TRIM14: variants seen among roughly 807,000 people sequenced by gnomAD.
TRIM14 encodes the protein tripartite motif-containing protein 14.
A neutral mutation model predicts 44.5 loss-of-function variants in TRIM14; 28 were observed. That is an observed-to-expected ratio of 0.63 (90% CI 0.47 to 0.86). The LOEUF is 0.86. Among genes scored for constraint, TRIM14 ranks in the 40% least tolerant of loss-of-function variants. The probability of loss-of-function intolerance (pLI) is 0.00; values close to 1 mark genes in which losing one functional copy is unlikely to be tolerated. For missense variants in TRIM14, 607 were observed against 611.1 expected, an observed-to-expected ratio of 0.99 and a Z score of 0.07; for synonymous variants, 299 against 269.2, an observed-to-expected ratio of 1.11 and a Z score of -1.08.
At chr9:98,092,275 A>G (rs1377136585) in intron 4 of TRIM14, among the ~76,000 whole-genome samples, 1 of 152,216 alleles carries the variant, frequency 6.6e-6, no homozygotes, top group African/African-American at 2.4e-5. Context: ...TGCAGATTCC[A>G]GGGTAAAGAT....
the TRIM14 span, among the ~76,000 whole-genome samples, chr9:98,057,907 T>G: frequency 2.7e-5 from 4 of 146,280 alleles, no homozygotes; most frequent in Non-Finnish European, 5.9e-5. Flanking sequence ...TTACTGTTTT[T>G]TTTTTTTTTT....
At chr9:98,053,231 T>G in the TRIM14 span, among the ~76,000 whole-genome samples, 2 of 152,218 alleles carry the variant, frequency 1.3e-5, no homozygotes, top group East Asian at 3.8e-4. Flanking sequence ...ATTTTGAGCT[T>G]GCGAAGGCTT....
chr9:98,052,692 G>C, the TRIM14 span, among the ~76,000 whole-genome samples: 1 of 152,248 alleles, frequency 6.6e-6, no homozygotes, highest in East Asian at 1.9e-4. Context: ...TTTTATTAGA[G>C]ATGAGGTTTC....
chr9:98,056,906 T>G, the TRIM14 span: 6 of 1,610,360 alleles, frequency 3.7e-6, no homozygotes, highest in Non-Finnish European at 5.1e-6. Context: ...CAGGGCGACC[T>G]GGACGTAGCC....
At chr9:98,089,655 C>T (rs1460304755) in intron 5 of TRIM14, among the ~76,000 whole-genome samples, 1 of 152,228 alleles carries the variant, frequency 6.6e-6, no homozygotes, top group African/African-American at 2.4e-5. Context: ...CAACAGAACT[C>T]TTCCACCCGG....
At chr9:98,114,937 T>C (rs1826993633) in intron 1 of TRIM14, among the ~76,000 whole-genome samples, 1 of 152,206 alleles carries the variant, frequency 6.6e-6, no homozygotes, top group South Asian at 2.1e-4. Flanking sequence ...ATTCTTTTTA[T>C]ATTGTTTTTC....
downstream of TRIM14, among the ~76,000 whole-genome samples, chr9:98,066,016 C>T (rs1459912506): frequency 6.6e-6 from 1 of 152,124 alleles, no homozygotes; most frequent in Non-Finnish European, 1.5e-5. Context: ...ATTTGGAGGA[C>T]TAAGTCCTAA....
the TRIM14 span, among the ~76,000 whole-genome samples, chr9:98,059,651 G>A: frequency 6.6e-5 from 10 of 152,064 alleles, no homozygotes; most frequent in Non-Finnish European, 1.0e-4. Context: ...CTTGGTTCAA[G>A]CAATCCTCCC....
Position 98,118,967 on chromosome 9 carries a change from C to A in TRIM14, c.207+15G>T. On this transcript the variant is annotated intron_variant, in intron 1 of 5. Coordinates refer to ENST00000341469, the MANE Select transcript of TRIM14 (RefSeq NM_014788.4). Reference sequence around the variant, plus strand: ...CCAACTCCCGCGCGGCGAACCCCGTCCCCATCGTCCCCACCTGCACGTGCA... The same window carrying A: ...CCAACTCCCGCGCGGCGAACCCCGTACCCATCGTCCCCACCTGCACGTGCA... 6.6e-7 allele frequency: 1 copy of A among 1,513,156 alleles called. No individual in the cohort carries two copies. The highest frequency in any genetic ancestry group is 1.2e-5 in the South Asian group (1 of 82,032). 93.7% of individuals were successfully genotyped at this position (1,513,156 alleles called of 1,614,324 possible).
At chr9:98,056,921 G>A in the TRIM14 span, 7 of 1,603,934 alleles carry the variant, frequency 4.4e-6, no homozygotes, top group African/African-American at 1.4e-5. Context: ...GTAGCCAAGC[G>A]CATGATCCGC....
intron 2 of TRIM14, among the ~76,000 whole-genome samples, chr9:98,101,546 C>T (rs761583651): frequency 5.3e-5 from 8 of 151,966 alleles, no homozygotes; most frequent in Middle Eastern, 3.4e-3. Flanking sequence ...CTGCCTCAGC[C>T]GTGTAGCTGG....
At chr9:98,092,389 G>A in intron 4 of TRIM14, 2 of 235,918 alleles carry the variant, frequency 8.5e-6, no homozygotes, top group Non-Finnish European at 1.8e-5. Context: ...GGGGCACCCA[G>A]GGCCCTTGGC....
At chr9:98,103,621 G>A (rs902547009) in intron 2 of TRIM14, among the ~76,000 whole-genome samples, 12 of 151,948 alleles carry the variant, frequency 7.9e-5, no homozygotes, top group Admixed American at 7.2e-4. Context: ...AATGGATCAC[G>A]AGGTCAGGAG....
chr9:98,110,422 C>G (rs1289652198), intron 1 of TRIM14, among the ~76,000 whole-genome samples: 2 of 152,160 alleles, frequency 1.3e-5, no homozygotes, highest in Non-Finnish European at 2.9e-5. Flanking sequence ...ACCCTCTGGC[C>G]CTGGACTACG....
the TRIM14 span, among the ~76,000 whole-genome samples, chr9:98,037,866 A>G: frequency 1.3e-5 from 2 of 152,026 alleles, no homozygotes; most frequent in Non-Finnish European, 2.9e-5. Flanking sequence ...TCCTGTTAAC[A>G]ACAGGAAAGA....
At chr9:98,041,254 A>G in the TRIM14 span, among the ~76,000 whole-genome samples, 1 of 152,192 alleles carries the variant, frequency 6.6e-6, no homozygotes, top group Admixed American at 6.5e-5. Flanking sequence ...TTTAGTCCAA[A>G]TTGCAGGAAA....
At chr9:98,082,325 C>A (rs1829906246), downstream of TRIM14, among the ~76,000 whole-genome samples, 1 of 152,170 alleles carries the variant, frequency 6.6e-6, no homozygotes, top group Non-Finnish European at 1.5e-5. Flanking sequence ...TTAAGAATCT[C>A]ATCCCTATGT....
At chr9:98,079,471 A>C (rs371668119), downstream of TRIM14, among the ~76,000 whole-genome samples, 1 of 86,028 alleles carries the variant, frequency 1.2e-5, no homozygotes, top group African/African-American at 1.4e-4. Context: ...ACAGCCATTA[A>C]CTTAAAAAGT....
intron 4 of TRIM14, among the ~76,000 whole-genome samples, chr9:98,092,780 T>C (rs919440739): frequency 1.7e-4 from 26 of 152,360 alleles, no homozygotes; most frequent in Non-Finnish European, 2.8e-4. Flanking sequence ...CGCCGAGCTG[T>C]AACCAATCCA....
Sources: gnomAD v4.1 joint callset for allele counts (sites outside exome capture counted in the v4.1 genomes callset) on GRCh38, gnomAD v4.1.1 for gene constraint, MANE v1.5 for transcripts, NCBI Gene and HGNC (gene_info 2026-07-23, HGNC 2026-07-21) for gene names.